CEP15: variants seen among roughly 807,000 people sequenced by gnomAD.
CEP15 encodes the protein centrosomal protein 15 kDa.
the CEP15 span, chr3:62,320,376 A>C: frequency 1.9e-5 from 17 of 915,570 alleles, no homozygotes. Context: ...GAACCAATGG[A>C]TTAAGGTACT....
chr3:62,321,741 G>T, the CEP15 span, among the ~76,000 whole-genome samples: 6 of 152,104 alleles, frequency 3.9e-5, no homozygotes, highest in Non-Finnish European at 7.4e-5. The surrounding 1 kb of genome is among the most constrained non-coding windows in gnomAD (Gnocchi z 4.1). Flanking sequence ...ATTTTAACCA[G>T]ATTGACTTAA....
chr3:62,321,318 T>C, the CEP15 span, among the ~76,000 whole-genome samples: 1 of 152,350 alleles, frequency 6.6e-6, no homozygotes, highest in Non-Finnish European at 1.5e-5. The surrounding 1 kb of genome is among the most constrained non-coding windows in gnomAD (Gnocchi z 4.1). Flanking sequence ...TGTAATTTTT[T>C]ACATCTTTCT....
At chr3:62,324,290 G>C in the CEP15 span, among the ~76,000 whole-genome samples, 1 of 152,080 alleles carries the variant, frequency 6.6e-6, no homozygotes, top group South Asian at 2.1e-4. Context: ...CTGCTTGGGA[G>C]GCTGTGGCAG....
At chr3:62,330,096 G>A in the CEP15 span, among the ~76,000 whole-genome samples, 4 of 152,074 alleles carry the variant, frequency 2.6e-5, no homozygotes, top group South Asian at 2.1e-4. Context: ...GACAGCAGGT[G>A]CATTAATGGT....
the CEP15 span, chr3:62,334,255 A>AAAAT: frequency 6.6e-6 from 1 of 152,008 alleles, no homozygotes; most frequent in African/African-American, 2.4e-5. This position sits in a 1 kb window ranked among gnomAD's most constrained non-coding sequence, Gnocchi z 4.9. Context: ...AAAGAAAAAA[A>AAAAT]AAATATGTAT....
At chr3:62,323,661 A>G in the CEP15 span, among the ~76,000 whole-genome samples, 2 of 152,230 alleles carry the variant, frequency 1.3e-5, no homozygotes, top group Non-Finnish European at 2.9e-5. Flanking sequence ...TGGAGAGAAC[A>G]GTGTTCAGAA....
chr3:62,323,351 C>T, the CEP15 span, among the ~76,000 whole-genome samples: 1 of 152,056 alleles, frequency 6.6e-6, no homozygotes, highest in East Asian at 1.9e-4. Context: ...AGAAGCTAAG[C>T]CTAGCCTGTG....
chr3:62,331,420 A>T, the CEP15 span: 263 of 1,601,528 alleles, frequency 1.6e-4, no homozygotes, highest in Non-Finnish European at 2.2e-4. Flanking sequence ...TAAGGAACAA[A>T]TGTAAAAAGA....
the CEP15 span, chr3:62,333,476 A>G: frequency 7.0e-7 from 1 of 1,424,212 alleles, no homozygotes; most frequent in African/African-American, 1.4e-5. This position sits in a 1 kb window ranked among gnomAD's most constrained non-coding sequence, Gnocchi z 4.0. Flanking sequence ...TTAGGAATTA[A>G]ATATGTTCAT....
At chr3:62,320,980 G>T in the CEP15 span, among the ~76,000 whole-genome samples, 2 of 152,120 alleles carry the variant, frequency 1.3e-5, no homozygotes, top group Non-Finnish European at 2.9e-5. Context: ...TCCTCTGTTT[G>T]TGGGCTTTCA....
chr3:62,328,673 T>A, the CEP15 span, among the ~76,000 whole-genome samples: 2 of 152,238 alleles, frequency 1.3e-5, no homozygotes, highest in African/African-American at 2.4e-5. Context: ...TACCTTTTTT[T>A]AAAAAAAGTT....
chr3:62,335,954 G>C, the CEP15 span: 2 of 152,056 alleles, frequency 1.3e-5, no homozygotes, highest in Non-Finnish European at 2.9e-5. Flanking sequence ...TAAGGAAAAA[G>C]CTTAATACTC....
the CEP15 span, among the ~76,000 whole-genome samples, chr3:62,321,257 G>T: frequency 1.4e-4 from 22 of 152,278 alleles, no homozygotes; most frequent in South Asian, 4.6e-3. The surrounding 1 kb of genome is among the most constrained non-coding windows in gnomAD (Gnocchi z 4.1). Flanking sequence ...TGACCAGCAA[G>T]AAACTTTTAA....
chr3:62,333,217 C>T, the CEP15 span: 1 of 1,599,368 alleles, frequency 6.3e-7, no homozygotes, highest in South Asian at 1.1e-5. This position sits in a 1 kb window ranked among gnomAD's most constrained non-coding sequence, Gnocchi z 4.0. Context: ...AGTTCAATTG[C>T]TTGATATGCT....
chr3:62,332,213 G>T, the CEP15 span, among the ~76,000 whole-genome samples: 1 of 152,064 alleles, frequency 6.6e-6, no homozygotes, highest in Non-Finnish European at 1.5e-5. Context: ...CTCCAGCTGT[G>T]AATGTCAGGG....
At chr3:62,320,432 C>CT in the CEP15 span, 1 of 1,563,520 alleles carries the variant, frequency 6.4e-7, no homozygotes, top group African/African-American at 1.4e-5. Flanking sequence ...GTAGAAGTAA[C>CT]TTTAAATGTT....
the CEP15 span, among the ~76,000 whole-genome samples, chr3:62,326,105 G>A: frequency 6.6e-6 from 1 of 152,050 alleles, no homozygotes; most frequent in Non-Finnish European, 1.5e-5. Context: ...AAACACTCCG[G>A]GGTGAGAAAG....
the CEP15 span, chr3:62,335,482 A>G: frequency 1.3e-5 from 2 of 148,328 alleles, no homozygotes; most frequent in African/African-American, 2.5e-5. Flanking sequence ...AAAAATTCCC[A>G]TAGGGACCTG....
chr3:62,319,414 TA>T, the CEP15 span: 2 of 152,074 alleles, frequency 1.3e-5, no homozygotes, highest in African/African-American at 4.8e-5. Context: ...CGGGTGATGT[TA>T]GCGGAAAATA....
Sources: gnomAD v4.1 joint callset for allele counts (sites outside exome capture counted in the v4.1 genomes callset) on GRCh38, gnomAD v4.1.1 for gene constraint, Gnocchi (gnomAD v3.1) non-coding constraint, MANE v1.5 for transcripts, NCBI Gene and HGNC (gene_info 2026-07-23, HGNC 2026-07-21) for gene names.